Variants in ZDHHC11B observed in about 807,000 individuals in gnomAD.
The protein encoded by ZDHHC11B is probable palmitoyltransferase ZDHHC11B.
A neutral mutation model predicts 42.3 loss-of-function variants in ZDHHC11B; 17 were observed. The observed-to-expected ratio is 0.40, with a 90% CI of 0.27 to 0.60. The LOEUF (loss-of-function observed/expected upper bound fraction) is 0.60, where lower values mean the gene tolerates loss of function less well. Ranked by LOEUF, ZDHHC11B falls within the 20% of genes least tolerant of loss-of-function variation. ZDHHC11B has a pLI of 0.41. For synonymous variants in ZDHHC11B, 123 were observed against 193.5 expected (o/e 0.64, Z 3.02); for missense variants, 262 against 463.2 (o/e 0.57, Z 3.99).
At chr5:778,177 G>A (rs1414625320) in intron 1 of ZDHHC11B, among the ~76,000 whole-genome samples, 1 of 151,782 alleles carries the variant, frequency 6.6e-6, no homozygotes, top group Non-Finnish European at 1.5e-5. Context: ...CCCAGCCAGT[G>A]CCCACCACCC....
At position 739,167 on chromosome 5, in the gene ZDHHC11B, G is replaced by A. The variant is rs527818268; in HGVS notation, c.935+2427C>T. Among the ~76,000 whole-genome samples, 3 of 150,786 alleles carry A rather than the reference G, an allele frequency of 2.0e-5. 1 individual carries two copies. Among genetic ancestry groups the A allele is most frequent in the East Asian group, 3.9e-4 (2 of 5,066 alleles). On this transcript the variant is annotated intron_variant, in intron 10 of 13. Coordinates refer to ENST00000508859, the MANE Select transcript of ZDHHC11B (RefSeq NM_001351303.2). Reference sequence around the variant, plus strand: ...TAATCCCAGTCCTTACAGAGGCTGGGGCAGGCAGATCACTTGAAGTCAAGA... The same window carrying A: ...TAATCCCAGTCCTTACAGAGGCTGGAGCAGGCAGATCACTTGAAGTCAAGA...
intron 1 of ZDHHC11B, among the ~76,000 whole-genome samples, chr5:769,928 C>G (rs1310536122): frequency 1.3e-5 from 2 of 151,912 alleles, no homozygotes; most frequent in African/African-American, 4.8e-5. Context: ...TCCCGCTGCT[C>G]CCAAGGAGCC....
At chr5:772,385 G>A (rs1313077329) in intron 1 of ZDHHC11B, among the ~76,000 whole-genome samples, 6 of 148,600 alleles carry the variant, frequency 4.0e-5, no homozygotes, top group South Asian at 2.1e-4. Flanking sequence ...TCAGACCATC[G>A]CCGGATCTAC....
intron 11 of ZDHHC11B, chr5:731,979 A>C (rs1318529849): frequency 1.3e-5 from 2 of 152,206 alleles, no homozygotes; most frequent in Non-Finnish European, 2.9e-5. Context: ...CCTTCCATTT[A>C]GGCCAAACAC....
At chr5:759,303 T>G (rs1320408256) in intron 4 of ZDHHC11B, among the ~76,000 whole-genome samples, 1 of 151,916 alleles carries the variant, frequency 6.6e-6, no homozygotes, top group Admixed American at 6.6e-5. Context: ...CGCCCTGTTC[T>G]GCAGGCAGGA....
chr5:777,419 C>A (rs372311713), intron 1 of ZDHHC11B, among the ~76,000 whole-genome samples: 3 of 151,886 alleles, frequency 2.0e-5, no homozygotes, highest in African/African-American at 7.2e-5. Context: ...AAGCTGCAGA[C>A]CTTCGCTGCA....
chr5:742,846 A>G (rs530279707), intron 9 of ZDHHC11B, among the ~76,000 whole-genome samples: 1 of 149,108 alleles, frequency 6.7e-6, no homozygotes, highest in East Asian at 2.1e-4. Context: ...TAAAGTCCAA[A>G]CTATGATTTT....
At chr5:753,814 G>A (rs551770038) in intron 6 of ZDHHC11B, among the ~76,000 whole-genome samples, 1 of 137,844 alleles carries the variant, frequency 7.3e-6, no homozygotes, top group South Asian at 2.5e-4. Context: ...AGGCAGGGCA[G>A]GGACCCCCCG....
At chr5:746,738 C>G (rs1168045862) in intron 8 of ZDHHC11B, among the ~76,000 whole-genome samples, 1 of 150,460 alleles carries the variant, frequency 6.6e-6, no homozygotes, top group Non-Finnish European at 1.5e-5. Context: ...CATGCCTCAC[C>G]CAAAGGAGCC....
intron 8 of ZDHHC11B, chr5:748,090 T>C (rs1446869003): frequency 2.0e-6 from 1 of 509,250 alleles, no homozygotes. Context: ...TTCCATTCCA[T>C]TTTCTCTGAA....
chr5:732,260 T>C (rs111926303), intron 11 of ZDHHC11B: 1,750 of 168,138 alleles, frequency 0.01, 54 homozygotes, highest in African/African-American at 0.04. Flanking sequence ...CCCACGGAGA[T>C]GCGGGCTTGG....
intron 6 of ZDHHC11B, among the ~76,000 whole-genome samples, chr5:753,313 G>A (rs1283734952): frequency 0.031 from 3,605 of 116,920 alleles, 99 homozygotes; most frequent in East Asian, 0.057. Context: ...TCTGGCGGAT[G>A]AAGGGACAGA....
At chr5:774,560 G>C (rs1376737015) in intron 1 of ZDHHC11B, among the ~76,000 whole-genome samples, 1 of 152,148 alleles carries the variant, frequency 6.6e-6, no homozygotes, top group Non-Finnish European at 1.5e-5. Flanking sequence ...CCTGGAGCCT[G>C]TAACTACGGC....
At chr5:727,299 C>G (rs1742667240) in intron 12 of ZDHHC11B, among the ~76,000 whole-genome samples, 1 of 135,770 alleles carries the variant, frequency 7.4e-6, no homozygotes, top group African/African-American at 2.6e-5. Flanking sequence ...CTCTGCCCAC[C>G]TGGGGGAGAC....
intron 12 of ZDHHC11B, among the ~76,000 whole-genome samples, chr5:724,141 C>T (rs1263693019): frequency 6.6e-6 from 1 of 151,820 alleles, no homozygotes; most frequent in African/African-American, 2.4e-5. Flanking sequence ...CTTCCAGGCT[C>T]CCTCACTCAG....
At chr5:751,350 T>C (rs1745641151) in intron 6 of ZDHHC11B, 93 bp from the exon 7 acceptor site, 2 of 43,092 alleles carry the variant, frequency 4.6e-5, no homozygotes, top group African/African-American at 1.1e-4. Context: ...GCAGGGGGTG[T>C]GCACAGGGTG....
chr5:739,895 G>A (rs1743972582), intron 10 of ZDHHC11B, among the ~76,000 whole-genome samples: 1 of 149,586 alleles, frequency 6.7e-6, no homozygotes, highest in South Asian at 2.2e-4. Flanking sequence ...AAGAAAATGT[G>A]ATATATATTT....
intron 1 of ZDHHC11B, among the ~76,000 whole-genome samples, chr5:774,182 C>T (rs1304144172): frequency 6.6e-6 from 1 of 152,090 alleles, no homozygotes; most frequent in Non-Finnish European, 1.5e-5. Context: ...ATCACCTGGG[C>T]CCCATTTGTC....
At chr5:719,689 A>G (rs1318902816) in intron 12 of ZDHHC11B, among the ~76,000 whole-genome samples, 1 of 151,534 alleles carries the variant, frequency 6.6e-6, no homozygotes, top group Non-Finnish European at 1.5e-5. Context: ...GACACCATCA[A>G]GGGTACCAAC....
Sources: gnomAD v4.1 joint callset for allele counts (sites outside exome capture counted in the v4.1 genomes callset) on GRCh38, gnomAD v4.1.1 for gene constraint, MANE v1.5 for transcripts, NCBI Gene and HGNC (gene_info 2026-07-23, HGNC 2026-07-21) for gene names.